Variants in PPP2R2B observed in about 807,000 individuals in gnomAD.
PPP2R2B encodes protein phosphatase 2 regulatory subunit Bbeta, also known as serine/threonine-protein phosphatase 2A 55 kDa regulatory subunit B beta isoform.
PPP2R2B carries 5 observed loss-of-function variants against 46.0 expected under a neutral mutation model. That is an observed-to-expected ratio of 0.11 (90% CI 0.06 to 0.23). The LOEUF (loss-of-function observed/expected upper bound fraction) is 0.23. Ranked by LOEUF, PPP2R2B falls within the 10% of genes least tolerant of loss-of-function variation. The pLI, the probability that PPP2R2B is intolerant of heterozygous loss-of-function variation, is 1.00. For synonymous variants in PPP2R2B, 215 were observed against 206.7 expected, an observed-to-expected ratio of 1.04 and a Z score of -0.34; for missense variants, 367 against 575.0, an observed-to-expected ratio of 0.64 and a Z score of 3.70.
In PPP2R2B at chr5:146,590,399, T is replaced by TG. The variant is rs1561746874; in HGVS notation, c.1053-174_1053-173insC. On this transcript the variant is annotated intron_variant, in intron 9 of 9. Coordinates refer to ENST00000394411, the MANE Select transcript of PPP2R2B (RefSeq NM_181675.4). ...ATTGGCTTTTTGTTTTTTTTTTGTG[T>TG]TTTTTTTTTTTTTTTTTGAATCACT... Among the ~76,000 whole-genome samples the TG allele has an allele frequency of 1.8e-3, 205 of 114,132 alleles. No homozygotes were observed. In the South Asian group the frequency reaches 0.031, roughly 17 times the overall value. 74.9% of individuals were successfully genotyped at this position (114,132 alleles called of 152,430 possible).
intron 5 of PPP2R2B, among the ~76,000 whole-genome samples, chr5:146,660,478 C>T (rs1345500952): frequency 6.6e-6 from 1 of 152,090 alleles, no homozygotes; most frequent in East Asian, 1.9e-4. Flanking sequence ...GTCAAAAAAC[C>T]TGTTTCTTCC....
chr5:146,801,873 A>T (rs1756887485), intron 2 of PPP2R2B, among the ~76,000 whole-genome samples: 1 of 152,228 alleles, frequency 6.6e-6, no homozygotes, highest in Non-Finnish European at 1.5e-5. Context: ...CTCCAGAGCT[A>T]AGCCCAAATT....
Position 146,986,640 on chromosome 5 carries a change from C to T in PPP2R2B, c.79+69025G>A, listed in dbSNP as rs929005318. Among the ~76,000 whole-genome samples, 13 of 151,974 alleles carry T rather than the reference C, an allele frequency of 8.6e-5. 1 individual carries two copies. The highest frequency in any genetic ancestry group is 7.9e-4 in the Admixed American group (12 of 15,252). ...AATTGAAAAGTACAGTAGAGGGTCT[C>T]AATAGCAGAACTGATTAAGCAGAAG... is the stretch of plus-strand genomic sequence containing the variant. On this transcript the variant is annotated intron_variant, in intron 1 of 8. Coordinates refer to the PPP2R2B transcript ENST00000336640.
rs544290190 is a variant in PPP2R2B, at chr5:147,066,901, T to C, written c.50+14158A>G. On this transcript the variant is annotated intron_variant, in intron 2 of 10. Coordinates refer to the PPP2R2B transcript ENST00000394413. ...TCTGCTGATGTGATTAGCCTGGGTG[T>C]TGGCCAAAAGACCACACCAAGGCCC... 1.2e-4 allele frequency among the ~76,000 whole-genome samples: 18 copies of C among 152,256 alleles called. No individual in the cohort carries two copies. In the South Asian group the frequency reaches 3.5e-3, roughly 30 times the overall value.
chr5:146,608,785 A>G (rs1772553377), intron 7 of PPP2R2B, among the ~76,000 whole-genome samples: 3 of 152,178 alleles, frequency 2.0e-5, no homozygotes, highest in African/African-American at 7.2e-5. Context: ...ACTCTGTCTC[A>G]AAAACAAACA....
intron 2 of PPP2R2B, among the ~76,000 whole-genome samples, chr5:146,728,116 A>C (rs1209760112): frequency 4.2e-5 from 6 of 142,442 alleles, no homozygotes; most frequent in Non-Finnish European, 9.2e-5. Context: ...TTCTCTGAAT[A>C]TGATGGCTAG....
chr5:146,676,248 T>C (rs1197861024), intron 5 of PPP2R2B, among the ~76,000 whole-genome samples: 1 of 152,174 alleles, frequency 6.6e-6, no homozygotes, highest in Non-Finnish European at 1.5e-5. Context: ...CTGGGCAAAG[T>C]AGGGCTGTTC....
intron 5 of PPP2R2B, among the ~76,000 whole-genome samples, chr5:146,654,004 C>T (rs971735677): frequency 2.6e-5 from 4 of 152,138 alleles, no homozygotes; most frequent in Non-Finnish European, 5.9e-5. Context: ...AACCACATTG[C>T]GACTGTGTTT....
chr5:147,079,050 A>C (rs1031634339), intron 2 of PPP2R2B, among the ~76,000 whole-genome samples: 2 of 152,060 alleles, frequency 1.3e-5, no homozygotes, highest in Admixed American at 6.6e-5. Flanking sequence ...TGTCATGTAG[A>C]AGACACTCAA....
At chr5:147,053,723 G>A (rs116261019) in intron 1 of PPP2R2B, among the ~76,000 whole-genome samples, 5 of 152,268 alleles carry the variant, frequency 3.3e-5, no homozygotes, top group East Asian at 1.9e-4. Flanking sequence ...AAGAAAACAC[G>A]TGGGGCATGG....
At chr5:146,635,780 C>A (rs1361069035) in intron 7 of PPP2R2B, among the ~76,000 whole-genome samples, 2 of 152,220 alleles carry the variant, frequency 1.3e-5, no homozygotes, top group African/African-American at 2.4e-5. Context: ...TTTATGTCAA[C>A]CCTTAGGCAC....
rs74463018 is a variant in PPP2R2B, at chr5:146,870,035, G to C, written c.70+7967C>G. Among the ~76,000 whole-genome samples, 173 of 152,236 alleles carry C rather than the reference G, an allele frequency of 1.1e-3. 1 individual carries two copies. In the East Asian group the frequency reaches 0.02, roughly 17 times the overall value. ...CATCTTGCTACAATATTCCCTATTA[G>C]AGACATTTACAGCTTTGCCACCCTC... is the stretch of plus-strand genomic sequence containing the variant. On this transcript the variant is annotated intron_variant, in intron 2 of 9. Coordinates refer to ENST00000394411, the MANE Select transcript of PPP2R2B (RefSeq NM_181675.4).
At chr5:146,709,607 C>T (rs1194331964) in intron 2 of PPP2R2B, among the ~76,000 whole-genome samples, 1 of 152,218 alleles carries the variant, frequency 6.6e-6, no homozygotes, top group Non-Finnish European at 1.5e-5. Flanking sequence ...GGCCTTCTGA[C>T]CGGACTCTTC....
At chr5:146,917,093 G>A (rs1006547965) in intron 1 of PPP2R2B, among the ~76,000 whole-genome samples, 1 of 152,086 alleles carries the variant, frequency 6.6e-6, no homozygotes, top group Non-Finnish European at 1.5e-5. Flanking sequence ...GAATTATTTG[G>A]GTTTCTGAAA....
rs79484443 is a variant in PPP2R2B at position 146,690,256 on chromosome 5, C to A, written c.447+872G>T. ...CATTGAACATGTTCATAACTGAGCT[C>A]ATCATCCAGTCCTAAACCACTTTAC... On this transcript the variant is annotated intron_variant, in intron 5 of 9. Coordinates refer to ENST00000394411, the MANE Select transcript of PPP2R2B (RefSeq NM_181675.4). 6.5e-3 allele frequency among the ~76,000 whole-genome samples: 987 copies of A among 152,278 alleles called. 17 individuals carry two copies. Among genetic ancestry groups the A allele is most frequent in the African/African-American group, 0.023 (950 of 41,558 alleles).
At chr5:146,609,835 G>A (rs1772690736) in intron 7 of PPP2R2B, among the ~76,000 whole-genome samples, 1 of 137,148 alleles carries the variant, frequency 7.3e-6, no homozygotes, top group Non-Finnish European at 1.5e-5. Flanking sequence ...CTGGCTCAGA[G>A]GGTCCTACGC....
At chr5:147,058,109 C>T (rs1202266853), upstream of PPP2R2B, among the ~76,000 whole-genome samples, 4 of 152,206 alleles carry the variant, frequency 2.6e-5, no homozygotes, top group Admixed American at 2.0e-4. Flanking sequence ...TATATCCCTA[C>T]TGCCTCACCT....
At chr5:146,699,837 C>T (rs1005758595) in intron 3 of PPP2R2B, among the ~76,000 whole-genome samples, 1 of 152,064 alleles carries the variant, frequency 6.6e-6, no homozygotes, top group South Asian at 2.1e-4. Context: ...CCAAATCAGA[C>T]TGTCAAGTGT....
chr5:146,596,565 C>T (rs1354258177), intron 8 of PPP2R2B, among the ~76,000 whole-genome samples: 1 of 152,172 alleles, frequency 6.6e-6, no homozygotes, highest in African/African-American at 2.4e-5. Flanking sequence ...TCTACTCTTC[C>T]TAGTTAAGGC....
Sources: gnomAD v4.1 joint callset for allele counts (sites outside exome capture counted in the v4.1 genomes callset) on GRCh38, gnomAD v4.1.1 for gene constraint, MANE v1.5 for transcripts, NCBI Gene and HGNC (gene_info 2026-07-23, HGNC 2026-07-21) for gene names.